Variants in HERC4 observed in about 807,000 individuals in gnomAD.
The protein encoded by HERC4 is probable E3 ubiquitin-protein ligase HERC4.
In HERC4, 28 loss-of-function variants were observed where a neutral mutation model predicts 124.3. The observed-to-expected ratio is 0.23, with a 90% CI of 0.17 to 0.31. The LOEUF (loss-of-function observed/expected upper bound fraction) is 0.31, where lower values mean the gene tolerates loss of function less well. Ranked by LOEUF, HERC4 falls within the 10% of genes least tolerant of loss-of-function variation. The probability of loss-of-function intolerance (pLI) is 1.00; values close to 1 mark genes in which losing one functional copy is unlikely to be tolerated. For missense variants in HERC4, 713 were observed against 1,229.3 expected (o/e 0.58, Z 6.28); for synonymous variants, 407 against 421.5 (o/e 0.97, Z 0.42).
intron 10 of HERC4, 135 bp from the exon 11 acceptor site, chr10:67,992,458 A>C: frequency 8.1e-7 from 1 of 1,241,060 alleles, no homozygotes; most frequent in Non-Finnish European, 1.1e-6. Context: ...AACCTATCAA[A>C]TAGATCAGAA....
intron 19 of HERC4, among the ~76,000 whole-genome samples, chr10:67,946,637 A>G (rs1306259173): frequency 2.0e-5 from 3 of 152,136 alleles, no homozygotes; most frequent in African/African-American, 7.2e-5. Context: ...GGCCAGACGC[A>G]GTGGCTCACA....
intron 15 of HERC4, among the ~76,000 whole-genome samples, chr10:67,967,685 T>C (rs2034971105): frequency 6.6e-6 from 1 of 152,188 alleles, no homozygotes; most frequent in Non-Finnish European, 1.5e-5. Context: ...ATTATGTTCT[T>C]GGTGATATAG....
chr10:68,037,912 T>G (rs1438840704), intron 5 of HERC4, among the ~76,000 whole-genome samples, 181 bp downstream of exon 5: 2 of 151,914 alleles, frequency 1.3e-5, no homozygotes, highest in Admixed American at 1.3e-4. Flanking sequence ...GTGTGTGTGT[T>G]TGTGTGTGTA....
At chr10:68,023,482 A>G (rs2038747074) in intron 8 of HERC4, among the ~76,000 whole-genome samples, 1 of 152,200 alleles carries the variant, frequency 6.6e-6, no homozygotes, top group Non-Finnish European at 1.5e-5. Context: ...GAGTCTACCT[A>G]TATGAGATAC....
At chr10:68,052,965 A>C (rs1296361866) in intron 3 of HERC4, among the ~76,000 whole-genome samples, 1 of 152,218 alleles carries the variant, frequency 6.6e-6, no homozygotes, top group Non-Finnish European at 1.5e-5. Flanking sequence ...ATGACACAAT[A>C]CTCTGTACAA....
chr10:68,033,815 AT>A (rs1728940199), intron 6 of HERC4, 149 bp downstream of exon 6: 1 of 624,720 alleles, frequency 1.6e-6, no homozygotes, highest in Admixed American at 3.0e-5. Context: ...TTCCCACTGC[AT>A]TCCCCAAATG....
intron 22 of HERC4, 64 bp downstream of exon 22, chr10:67,936,089 A>G: frequency 9.5e-7 from 1 of 1,054,294 alleles, no homozygotes. Flanking sequence ...CACGTTTTCT[A>G]CGTACAGAAG....
chr10:68,051,636 G>A (rs2040313887), intron 3 of HERC4, among the ~76,000 whole-genome samples: 1 of 151,284 alleles, frequency 6.6e-6, no homozygotes, highest in Admixed American at 6.6e-5. Flanking sequence ...TGGGATTACA[G>A]GCGTGAGCCA....
At chr10:67,967,820 ATCAC>A (rs748623912) in intron 15 of HERC4, among the ~76,000 whole-genome samples, 98 of 152,284 alleles carry the variant, frequency 6.4e-4, no homozygotes, top group South Asian at 1.9e-3. Flanking sequence ...TTAAATAAAC[ATCAC>A]AATGAGGAAA....
chr10:67,939,865 T>C (rs555969060), intron 20 of HERC4, among the ~76,000 whole-genome samples: 1 of 152,208 alleles, frequency 6.6e-6, no homozygotes, highest in East Asian at 1.9e-4. Flanking sequence ...AAAAGGTTCT[T>C]ATCACTTTTC....
intron 5 of HERC4, among the ~76,000 whole-genome samples, chr10:68,035,099 G>GT (rs1238022266): frequency 1.3e-5 from 2 of 151,252 alleles, no homozygotes; most frequent in Non-Finnish European, 2.9e-5. Context: ...ACACTTAAAA[G>GT]TAAGCTTCCT....
intron 4 of HERC4, among the ~76,000 whole-genome samples, chr10:68,042,467 T>C (rs2039819808): frequency 2.0e-5 from 3 of 152,062 alleles, no homozygotes; most frequent in Non-Finnish European, 4.4e-5. Flanking sequence ...CTACAAAAAA[T>C]ACAAAATTGG....
chr10:68,073,239 T>C (rs2041653629), intron 2 of HERC4, 53 bp from the exon 3 acceptor site: 1 of 654,680 alleles, frequency 1.5e-6, no homozygotes, highest in East Asian at 2.7e-5. Context: ...GGATGTATAA[T>C]TGCTCTTTCA....
chr10:67,928,624 T>C (rs189372270), intron 23 of HERC4, among the ~76,000 whole-genome samples: 78 of 152,078 alleles, frequency 5.1e-4, no homozygotes, highest in Non-Finnish European at 1.3e-4. Flanking sequence ...TTCTAGGATA[T>C]AAAATGAGTT....
intron 4 of HERC4, among the ~76,000 whole-genome samples, chr10:68,039,038 G>A (rs2039622689): frequency 1.3e-5 from 2 of 151,688 alleles, no homozygotes; most frequent in Non-Finnish European, 2.9e-5. Context: ...ATTACAGGTG[G>A]GTTACTGTAA....
At position 68,014,102 on chromosome 10, in the gene HERC4, T is replaced by G. The variant is rs948375424; in HGVS notation, c.993A>C (p.Ser331=). The G allele has an allele frequency of 6.2e-7, 1 of 1,613,916 alleles. No homozygotes were observed. The highest frequency in any genetic ancestry group is 8.5e-7 in the Non-Finnish European group (1 of 1,179,894). ...TAAAGGGGCTTTTCCTGTTGCTTGT[T>G]GAACCGGTTCCCAGCTGCCCATTAC... The part of the protein sequence containing the change: ...LGGNGQLGTG[S]TSNRKSPFTV... The change falls in exon 9 of 25, where the codon TCA becomes TCC. Residue 331 remains serine (S), a synonymous_variant. Transcript: ENST00000373700.
chr10:68,028,261 AAT>A (rs2039006291), intron 7 of HERC4, among the ~76,000 whole-genome samples: 2 of 151,908 alleles, frequency 1.3e-5, no homozygotes, highest in South Asian at 4.1e-4. Context: ...AAAAAAAAAA[AAT>A]GAGTGTTGTC....
intron 9 of HERC4, among the ~76,000 whole-genome samples, chr10:68,012,022 C>A (rs113733607): frequency 0.013 from 2,046 of 152,328 alleles, 16 homozygotes; most frequent in Non-Finnish European, 0.023. Flanking sequence ...GAGATGGCTT[C>A]TTTCCTTAAA....
chr10:67,966,443 T>C, intron 16 of HERC4: 1 of 330,188 alleles, frequency 3.0e-6, no homozygotes, highest in South Asian at 4.9e-5. Context: ...TTTTGTCTTG[T>C]TTTGTTTTGT....
Sources: gnomAD v4.1 joint callset for allele counts (sites outside exome capture counted in the v4.1 genomes callset) on GRCh38, gnomAD v4.1.1 for gene constraint, MANE v1.5 for transcripts, NCBI Gene and HGNC (gene_info 2026-07-23, HGNC 2026-07-21) for gene names.